The following PDLIM5 variants were observed in gnomAD, a reference collection of about 807,000 sequenced individuals.
PDLIM5 encodes the protein PDZ and LIM domain 5, also known as PDZ and LIM domain protein 5.
Under a neutral mutation model 64.2 loss-of-function variants are expected in PDLIM5, and 34 were observed. That is an observed-to-expected ratio of 0.53 (90% CI 0.40 to 0.71). The LOEUF is 0.71. Ranked by LOEUF, PDLIM5 falls within the 30% of genes least tolerant of loss-of-function variation. The probability of loss-of-function intolerance (pLI) is 0.00; values close to 1 mark genes in which losing one functional copy is unlikely to be tolerated. For synonymous variants in PDLIM5, 253 were observed against 269.1 expected (o/e 0.94, Z 0.59); for missense variants, 683 against 733.6 (o/e 0.93, Z 0.80).
At chr4:94,478,445 G>A (rs199940117) in intron 2 of PDLIM5, among the ~76,000 whole-genome samples, 7 of 151,996 alleles carry the variant, frequency 4.6e-5, no homozygotes, top group African/African-American at 7.2e-5. Flanking sequence ...TCCAATCCCC[G>A]CGTTGTTCAA....
chr4:94,495,629 A>G (rs988483556), intron 2 of PDLIM5, among the ~76,000 whole-genome samples: 2 of 152,142 alleles, frequency 1.3e-5, no homozygotes. Flanking sequence ...TGTAACTGGA[A>G]TGGTAAGAAG....
intron 3 of PDLIM5, among the ~76,000 whole-genome samples, chr4:94,544,821 A>G (rs1276526829): frequency 1.3e-5 from 2 of 152,176 alleles, no homozygotes; most frequent in African/African-American, 4.8e-5. Context: ...ATGCCCGGCT[A>G]ATATCTTGTC....
chr4:94,643,921 A>G (rs944396207), intron 9 of PDLIM5, among the ~76,000 whole-genome samples: 5 of 152,140 alleles, frequency 3.3e-5, no homozygotes, highest in Non-Finnish European at 5.9e-5. Flanking sequence ...TTTATTTATC[A>G]TCCCCACTAA....
rs1056741216 is a variant in PDLIM5, at chr4:94,464,384, T to C, written c.96+9000T>C. Among the ~76,000 whole-genome samples, 4 of 152,210 alleles carry C rather than the reference T, an allele frequency of 2.6e-5. No homozygotes were observed. In the South Asian group the frequency reaches 8.3e-4, roughly 31 times the overall value. On this transcript the variant is annotated intron_variant, in intron 2 of 12. Coordinates refer to ENST00000317968, the MANE Select transcript of PDLIM5 (RefSeq NM_006457.5). ...GTGTTGTGATTCAGTTCCATTGAGATCTAATTAACAGCCCAGTATTTTTCA... is the reference window on the plus strand; with the variant it reads ...GTGTTGTGATTCAGTTCCATTGAGACCTAATTAACAGCCCAGTATTTTTCA...
In PDLIM5 at chr4:94,576,009, C is replaced by T; in HGVS notation, c.685C>T (p.Gln229Ter). 6.2e-7 allele frequency: 1 copy of T among 1,613,792 alleles called. No homozygotes were observed. Among genetic ancestry groups the T allele is most frequent in the Non-Finnish European group, 8.5e-7 (1 of 1,179,802 alleles). The stretch of plus-strand genomic sequence containing the variant: ...AGCAGAGGGACAGAGAAGAGGATCC[C>T]AGGGTGACAGTAAACAGCAAAATGG... ...ELAEGQRRGS[Q>*]GDSKQQNGPP... The change falls in exon 5 of 13, where the codon CAG becomes TAG. Residue 229 changes from glutamine (Q) to a stop codon, truncating the protein, a stop_gained. Coordinates refer to ENST00000317968, the MANE Select transcript of PDLIM5 (RefSeq NM_006457.5). LOFTEE classifies it high-confidence loss of function.
At chr4:94,595,689 C>G (rs1289383576) in intron 7 of PDLIM5, among the ~76,000 whole-genome samples, 8 of 152,136 alleles carry the variant, frequency 5.3e-5, no homozygotes, top group Admixed American at 4.6e-4. Context: ...GCTGACCCAT[C>G]CCATGTCTTC....
intron 3 of PDLIM5, among the ~76,000 whole-genome samples, chr4:94,564,210 C>A (rs548809587): frequency 1.3e-5 from 2 of 152,194 alleles, no homozygotes; most frequent in South Asian, 4.1e-4. Flanking sequence ...GATCCACCCC[C>A]CTTGGCCTCC....
At chr4:94,548,087 T>A (rs1319840742) in intron 3 of PDLIM5, among the ~76,000 whole-genome samples, 1 of 152,200 alleles carries the variant, frequency 6.6e-6, no homozygotes, top group Non-Finnish European at 1.5e-5. Context: ...TTATGACACT[T>A]TTAATTTTAC....
Position 94,665,022 on chromosome 4 carries a change from A to G in PDLIM5, c.*955A>G. Reference sequence around the variant, plus strand: ...TCCCCACCCAAAAATAAGCTACCATATAGCTTATAAGTCTCAAATTTTTGC... The same window carrying G: ...TCCCCACCCAAAAATAAGCTACCATGTAGCTTATAAGTCTCAAATTTTTGC... On this transcript the variant is annotated 3_prime_UTR_variant, in exon 13 of 13. Coordinates refer to ENST00000317968, the MANE Select transcript of PDLIM5 (RefSeq NM_006457.5). 1 of 980,438 alleles carries G rather than the reference A, an allele frequency of 1.0e-6. No homozygotes were observed. The highest frequency in any genetic ancestry group is 1.2e-6 in the Non-Finnish European group (1 of 825,356). 60.7% of individuals were successfully genotyped at this position (980,438 alleles called of 1,614,324 possible).
At chr4:94,658,513 C>T (rs185832581) in intron 11 of PDLIM5, among the ~76,000 whole-genome samples, 2 of 152,340 alleles carry the variant, frequency 1.3e-5, no homozygotes, top group Non-Finnish European at 1.5e-5. Context: ...TATTGTGCCT[C>T]TATTCACTAC....
At chr4:94,585,448 T>C in intron 5 of PDLIM5, 117 bp from the exon 6 acceptor site, 5 of 646,260 alleles carry the variant, frequency 7.7e-6, no homozygotes, top group Middle Eastern at 4.7e-4. Flanking sequence ...GCAAACTGTT[T>C]ATATAAAAGG....
intron 2 of PDLIM5, among the ~76,000 whole-genome samples, chr4:94,498,319 A>G (rs1222923181): frequency 1.3e-5 from 2 of 152,170 alleles, no homozygotes; most frequent in Admixed American, 6.5e-5. Flanking sequence ...GTGTTTTCAT[A>G]TTTCATTTAA....
At position 94,585,611 on chromosome 4, in the gene PDLIM5, G is replaced by A; in HGVS notation, c.757G>A (p.Val253Ile). 1 of 1,611,866 alleles carries A rather than the reference G, an allele frequency of 6.2e-7. No individual in the cohort carries two copies. The highest frequency in any genetic ancestry group is 8.5e-7 in the Non-Finnish European group (1 of 1,179,428). The change falls in exon 6 of 13, where the codon GTA becomes ATA. Residue 253 changes from valine (V) to isoleucine (I), a missense_variant. Coordinates refer to ENST00000317968, the MANE Select transcript of PDLIM5 (RefSeq NM_006457.5). ...IVERYTEFYH[V>I]PTHSDASKKR... The stretch of plus-strand genomic sequence containing the variant: ...GGAGCGCTATACAGAGTTTTATCAT[G>A]TACCCACTCACAGTGATGCCAGCAA...
intron 3 of PDLIM5, among the ~76,000 whole-genome samples, chr4:94,564,120 C>T (rs1734082869): frequency 1.3e-5 from 2 of 151,944 alleles, no homozygotes; most frequent in South Asian, 4.2e-4. Flanking sequence ...TGCGCCACCA[C>T]ACCTGGCTAA....
intron 5 of PDLIM5, chr4:94,579,362 T>C: frequency 2.5e-6 from 1 of 404,434 alleles, no homozygotes; most frequent in Non-Finnish European, 4.6e-6. Flanking sequence ...TGCCACTGCT[T>C]TCAAGAGGTA....
At chr4:94,596,100 A>G (rs1737048621) in intron 7 of PDLIM5, among the ~76,000 whole-genome samples, 1 of 152,206 alleles carries the variant, frequency 6.6e-6, no homozygotes, top group Admixed American at 6.6e-5. Context: ...TCTGTTGAAC[A>G]TAAGTAATTA....
In PDLIM5 at chr4:94,496,248, AAAT is replaced by A. The variant is rs1418441667; in HGVS notation, c.97-27472_97-27470del. On this transcript the variant is annotated intron_variant, in intron 2 of 12. Transcript: ENST00000317968. The stretch of plus-strand genomic sequence containing the variant: ...TGTATTACTTATTTTGTAGGTAAAA[AAAT>A]AATTTTAGAATTCTTCTGGAAGTCT... Among the ~76,000 whole-genome samples, 4 of 152,338 alleles carry A rather than the reference AAAT, an allele frequency of 2.6e-5. No individual in the cohort carries two copies. In the East Asian group the frequency reaches 7.7e-4, roughly 29 times the overall value.
At position 94,630,480 on chromosome 4, in the gene PDLIM5, T is replaced by C. The variant is rs533354239; in HGVS notation, c.1109-9796T>C. Among the ~76,000 whole-genome samples, 21 of 152,256 alleles carry C rather than the reference T, an allele frequency of 1.4e-4. 1 individual carries two copies. The South Asian group carries it at 4.4e-3, about 32-fold the overall frequency. The stretch of plus-strand genomic sequence containing the variant: ...ACCTCTGCCTCCTGGGTTCAAGCGA[T>C]TCTCCTGCCTCGGCCTAACAGTAGC... On this transcript the variant is annotated intron_variant, in intron 8 of 12. Coordinates refer to ENST00000317968, the MANE Select transcript of PDLIM5 (RefSeq NM_006457.5).
intron 9 of PDLIM5, among the ~76,000 whole-genome samples, chr4:94,648,882 G>A (rs1237211163): frequency 1.3e-5 from 2 of 152,042 alleles, no homozygotes; most frequent in Non-Finnish European, 2.9e-5. Context: ...TTCTTTTAAG[G>A]GTTTACCTGA....
Sources: gnomAD v4.1 joint callset for allele counts (sites outside exome capture counted in the v4.1 genomes callset) on GRCh38, gnomAD v4.1.1 for gene constraint, MANE v1.5 for transcripts, NCBI Gene and HGNC (gene_info 2026-07-23, HGNC 2026-07-21) for gene names.